The following STK31 variants were observed in gnomAD, a reference collection of about 807,000 sequenced individuals.
STK31 encodes the protein serine/threonine-protein kinase 31.
STK31 carries 89 observed loss-of-function variants against 129.7 expected under a neutral mutation model. The ratio of observed to expected loss-of-function variants is 0.69; its 90% confidence interval spans 0.58 to 0.82. The LOEUF is 0.82. STK31 is among the 40% of genes least tolerant of loss of function. STK31 has a pLI of 0.00. For missense variants in STK31, 1,187 were observed against 1,176.4 expected (o/e 1.01, Z -0.13); for synonymous variants, 448 against 395.3 (o/e 1.13, Z -1.58).
intron 16 of STK31, among the ~76,000 whole-genome samples, chr7:23,783,209 G>A (rs1181637918): frequency 6.6e-6 from 1 of 152,156 alleles, no homozygotes; most frequent in Non-Finnish European, 1.5e-5. Flanking sequence ...AACACAGTTT[G>A]AACACTTAGC....
Position 23,737,027 on chromosome 7 carries a change from A to G in STK31, c.966A>G (p.Glu322=), listed in dbSNP as rs767623705. 1 of 1,612,714 alleles carries G rather than the reference A, an allele frequency of 6.2e-7. No individual in the cohort carries two copies. The highest frequency in any genetic ancestry group is 1.3e-5 in the African/African-American group (1 of 75,032). The change falls in exon 8 of 24, where the codon GAA becomes GAG. Residue 322 remains glutamate, a synonymous_variant. Coordinates refer to ENST00000355870, the MANE Select transcript of STK31 (RefSeq NM_031414.5). The part of the protein sequence containing the change: ...KLKTEKDALL[E]SYKALELKVE... ...AAACAGAGAAGGACGCTCTTCTTGA[A>G]AGTTATAAGGCGTTAGAATTGAAAG...
At position 23,772,255 on chromosome 7, in the gene STK31, G is replaced by A; in HGVS notation, c.1942G>A (p.Val648Ile). The part of the protein sequence containing the change: ...SLKALLRWKL[V>I]EKSNLEESDD... ...AAAAGCTCTACTCAGATGGAAATTG[G>A]TTGAAAAGAGTAATTTGGAAGAGGT... The change falls in exon 15 of 24, where the codon GTT becomes ATT. Residue 648 changes from valine to isoleucine, a missense_variant. Val to Ile is a conservative substitution (Grantham distance 29). This residue lies in a region of STK31 where 975 missense variants were observed against 934.9 expected (regional missense o/e 1.04). Transcript: ENST00000355870. 6.2e-7 allele frequency: 1 copy of A among 1,605,104 alleles called. No individual in the cohort carries two copies. Among genetic ancestry groups the A allele is most frequent in the African/African-American group, 1.3e-5 (1 of 74,468 alleles).
rs143966074 is a variant in STK31 at position 23,810,915 on chromosome 7, A to G, written c.2761-4229A>G. Reference sequence around the variant, plus strand: ...ATTTATATATAAATATACATAAAATATATGTATATATGTGTGTGTGTATAT... The same window carrying G: ...ATTTATATATAAATATACATAAAATGTATGTATATATGTGTGTGTGTATAT... On this transcript the variant is annotated intron_variant, in intron 22 of 23. Transcript: ENST00000355870. Among the ~76,000 whole-genome samples, 440 of 122,208 alleles carry G rather than the reference A, an allele frequency of 3.6e-3. 5 individuals are homozygous for G. The highest frequency in any genetic ancestry group is 0.012 in the African/African-American group (402 of 32,400). 80.2% of individuals were successfully genotyped at this position (122,208 alleles called of 152,430 possible). A position where few individuals can be genotyped will look rare whatever the true frequency, so the allele number is the denominator to read the frequency against.
At chr7:23,831,145 T>C (rs888283839) in intron 23 of STK31, among the ~76,000 whole-genome samples, 6 of 152,222 alleles carry the variant, frequency 3.9e-5, no homozygotes, top group African/African-American at 1.4e-4. Flanking sequence ...GTTAGGTTAA[T>C]TTGGTTTTTA....
At chr7:23,798,792 GAGAC>G (rs2128119124) in intron 22 of STK31, among the ~76,000 whole-genome samples, 1 of 152,278 alleles carries the variant, frequency 6.6e-6, no homozygotes, top group East Asian at 1.9e-4. Flanking sequence ...AATAGGAAGA[GAGAC>G]AGTCAAAGTC....
intron 22 of STK31, among the ~76,000 whole-genome samples, chr7:23,795,808 G>A (rs983250975): frequency 6.6e-6 from 1 of 152,214 alleles, no homozygotes; most frequent in Non-Finnish European, 1.5e-5. Flanking sequence ...TTTTGAATTT[G>A]CATGAGGCCT....
chr7:23,757,664 A>G (rs1009465017), intron 10 of STK31, among the ~76,000 whole-genome samples: 7 of 152,164 alleles, frequency 4.6e-5, no homozygotes, highest in African/African-American at 9.6e-5. Context: ...GAGACATTCC[A>G]TTGCCCAGGG....
rs200935774 is a variant in STK31, at chr7:23,771,094, A to G, written c.1803A>G (p.Thr601=). 1.2e-6 allele frequency: 2 copies of G among 1,612,490 alleles called. No homozygotes were observed. The highest frequency in any genetic ancestry group is 4.5e-5 in the East Asian group (2 of 44,760). Residue 601 remains threonine (T), a synonymous_variant, in exon 14 of 24, where the codon ACA becomes ACG. Coordinates refer to ENST00000355870, the MANE Select transcript of STK31 (RefSeq NM_031414.5). ...ATTCAGAGGAAAGGCTCATTGCCAC[A>G]GTACAAGCTAAGTACAAGGACAGTA... ...KIHSEERLIA[T]VQAKYKDSIE...
At chr7:23,807,881 C>T (rs910061969) in intron 22 of STK31, among the ~76,000 whole-genome samples, 2 of 151,824 alleles carry the variant, frequency 1.3e-5, no homozygotes, top group Non-Finnish European at 2.9e-5. Context: ...TATAAAATTT[C>T]CAATTGATTC....
intron 8 of STK31, among the ~76,000 whole-genome samples, chr7:23,744,075 A>G (rs1382722266): frequency 6.6e-6 from 1 of 151,904 alleles, no homozygotes; most frequent in Non-Finnish European, 1.5e-5. Context: ...GCATGCCACC[A>G]TGCTGAGCTA....
Position 23,717,543 on chromosome 7 carries a change from G to A in STK31, c.213G>A (p.Gln71=), listed in dbSNP as rs6945306. The A allele has an allele frequency of 6.2e-7, 1 of 1,612,324 alleles. No individual in the cohort carries two copies. The highest frequency in any genetic ancestry group is 2.2e-5 in the East Asian group (1 of 44,778). ...GCTCACTGTCTGAAGTTTGCCCCCA[G>A]GCCAGTTCAGTTTTGGGGAATCTTG... ...IGCSLSEVCP[Q]ASSVLGNLDP... The change falls in exon 4 of 24, where the codon CAG becomes CAA. Residue 71 remains glutamine (Q), a synonymous_variant. Coordinates refer to ENST00000355870, the MANE Select transcript of STK31 (RefSeq NM_031414.5).
intron 23 of STK31, among the ~76,000 whole-genome samples, chr7:23,825,285 T>A (rs561441403): frequency 6.6e-6 from 1 of 152,240 alleles, no homozygotes; most frequent in Non-Finnish European, 1.5e-5. Flanking sequence ...AGCCTGTTAT[T>A]GGTCTATTCA....
chr7:23,815,269 G>C, intron 23 of STK31, 57 bp downstream of exon 23: 1 of 1,174,392 alleles, frequency 8.5e-7, no homozygotes, highest in Non-Finnish European at 1.2e-6. Flanking sequence ...TATAAACTTA[G>C]ATATCTGACT....
At chr7:23,754,012 G>A (rs1018487862) in intron 9 of STK31, among the ~76,000 whole-genome samples, 4 of 151,932 alleles carry the variant, frequency 2.6e-5, no homozygotes, top group Admixed American at 6.6e-5. Flanking sequence ...GCAGACTTTC[G>A]AAGTTGCCTT....
At chr7:23,788,838 G>A (rs1468385965) in intron 21 of STK31, among the ~76,000 whole-genome samples, 2 of 152,100 alleles carry the variant, frequency 1.3e-5, no homozygotes, top group Non-Finnish European at 2.9e-5. Context: ...TTCACATAAT[G>A]TATACAATTC....
intron 22 of STK31, among the ~76,000 whole-genome samples, chr7:23,814,099 G>C (rs1793317437): frequency 6.8e-6 from 1 of 146,156 alleles, no homozygotes; most frequent in African/African-American, 2.6e-5. Flanking sequence ...TACCTGGGCT[G>C]CTTTCTGTTG....
chr7:23,733,382 T>A (rs1297468155), intron 6 of STK31, among the ~76,000 whole-genome samples: 1 of 146,594 alleles, frequency 6.8e-6, no homozygotes, highest in African/African-American at 2.5e-5. Context: ...CAAGACCCCA[T>A]CTAAAAAATT....
At chr7:23,825,557 A>G (rs1460548183) in intron 23 of STK31, among the ~76,000 whole-genome samples, 3 of 152,038 alleles carry the variant, frequency 2.0e-5, no homozygotes, top group Admixed American at 2.0e-4. Context: ...CAGCTCCTGG[A>G]TTCATTGATT....
In STK31 at chr7:23,812,413, CTTTTTTT is replaced by C. The variant is rs66609610; in HGVS notation, c.2761-2720_2761-2714del. On this transcript the variant is annotated intron_variant, in intron 22 of 23. Transcript: ENST00000355870. The stretch of plus-strand genomic sequence containing the variant: ...CCAAACATCTTTTTTCATTCCTTTC[CTTTTTTT>C]TTTTTTTTTTAAGATTTTTTTCTAT... Among the ~76,000 whole-genome samples the C allele has an allele frequency of 3.6e-5, 4 of 110,770 alleles. No homozygotes were observed. In the South Asian group the frequency reaches 9.5e-4, roughly 26 times the overall value. The allele number at this position is 110,770 out of a possible 152,430, so 72.7% of individuals were successfully genotyped here.
Sources: allele counts gnomAD v4.1 joint callset (sites outside exome capture counted in the v4.1 genomes callset), GRCh38; gene constraint gnomAD v4.1.1; regional missense constraint gnomAD v4.1.1; transcripts MANE v1.5; gene names NCBI Gene and HGNC (gene_info 2026-07-23, HGNC 2026-07-21).